GRK6: variants seen among roughly 807,000 people sequenced by gnomAD.
GRK6 encodes G protein-coupled receptor kinase 6.
In GRK6, 37 loss-of-function variants were observed where a neutral mutation model predicts 80.8. The ratio of observed to expected loss-of-function variants is 0.46; its 90% CI spans 0.35 to 0.60. The LOEUF is 0.60. Ranked by LOEUF, GRK6 falls within the 20% of genes least tolerant of loss-of-function variation. The probability of loss-of-function intolerance (pLI) is 0.00; values close to 1 mark genes in which losing one functional copy is unlikely to be tolerated. For synonymous variants in GRK6, 295 were observed against 320.9 expected (o/e 0.92, Z 0.86); for missense variants, 560 against 784.6 (o/e 0.71, Z 3.42).
intron 4 of GRK6, 140 bp downstream of exon 4, chr5:177,432,450 G>A (rs1763947174): frequency 4.3e-6 from 4 of 930,216 alleles, no homozygotes; most frequent in African/African-American, 3.2e-5. Flanking sequence ...AGAGTGCCCT[G>A]GAGCTGCTCC....
Position 177,442,844 on chromosome 5 carries a change from A to G in GRK6, c.*1054A>G, listed in dbSNP as rs1217658473. The stretch of plus-strand genomic sequence containing the variant: ...CAATTTTTATTACTCGTTTTGTCCA[A>G]CGTAAGCTGCCACATGTCTCTGTGT... On this transcript the variant is annotated 3_prime_UTR_variant, in exon 16 of 16. Coordinates refer to ENST00000355472, the MANE Select transcript of GRK6 (RefSeq NM_001004106.3). The G allele has an allele frequency of 1.3e-5, 2 of 152,176 alleles. No homozygotes were observed. Among genetic ancestry groups the G allele is most frequent in the African/African-American group, 4.8e-5 (2 of 41,384 alleles). 9.4% of individuals were successfully genotyped at this position (152,176 alleles called of 1,614,324 possible).
At chr5:177,435,444 G>A (rs1374998331) in intron 11 of GRK6, among the ~76,000 whole-genome samples, 1 of 152,240 alleles carries the variant, frequency 6.6e-6, no homozygotes, top group Non-Finnish European at 1.5e-5. Flanking sequence ...CATCTGTGAG[G>A]GAGGCCAGTG....
At position 177,436,542 on chromosome 5, in the gene GRK6, C is replaced by G. The variant is rs769539053; in HGVS notation, c.1404+12C>G. 4 of 1,567,960 alleles carry G rather than the reference C, an allele frequency of 2.6e-6. No homozygotes were observed. The highest frequency in any genetic ancestry group is 3.5e-6 in the Non-Finnish European group (4 of 1,155,546). On this transcript the variant is annotated intron_variant, in intron 13 of 15. Coordinates refer to ENST00000355472, the MANE Select transcript of GRK6 (RefSeq NM_001004106.3). ...CGTTCAAGCCTGACGTGAGTGCAGC[C>G]CACTCCTGCTGAGGGCGGGGCCCAG... is the stretch of plus-strand genomic sequence containing the variant.
chr5:177,432,608 C>G, intron 4 of GRK6, 98 bp from the exon 5 acceptor site: 1 of 870,050 alleles, frequency 1.1e-6, no homozygotes, highest in Non-Finnish European at 1.8e-6. Flanking sequence ...CCTGCAGCCT[C>G]TCATGGCACC....
Position 177,441,810 on chromosome 5 carries a change from A to G in GRK6, c.*20A>G, listed in dbSNP as rs1203066533. 3 of 1,606,292 alleles carry G rather than the reference A, an allele frequency of 1.9e-6. No homozygotes were observed. The African/African-American group carries it at 4.0e-5, about 21-fold the overall frequency. On this transcript the variant is annotated 3_prime_UTR_variant, in exon 16 of 16. Coordinates refer to ENST00000355472, the MANE Select transcript of GRK6 (RefSeq NM_001004106.3). ...CTCTAGCCCCCAGCCCGAGGCCCCC[A>G]CCAGCAGTTGGCGGTAGCAGCTACT...
In GRK6 at chr5:177,426,906, G is replaced by T; in HGVS notation, c.52+9G>T. 7.2e-7 allele frequency: 1 copy of T among 1,382,396 alleles called. No homozygotes were observed. Among genetic ancestry groups the T allele is most frequent in the Non-Finnish European group, 9.4e-7 (1 of 1,061,400 alleles). 85.6% of individuals were successfully genotyped at this position (1,382,396 alleles called of 1,614,324 possible). A position where few individuals can be genotyped will look rare whatever the true frequency, so the allele number is the denominator to read the frequency against. ...ACTCAAGGCCCGGGAAGGTGAGGCG[G>T]CCGGGTGGGCGGCCGGGCCCGGGTG... On this transcript the variant is annotated intron_variant, in intron 1 of 15. Coordinates refer to ENST00000355472, the MANE Select transcript of GRK6 (RefSeq NM_001004106.3).
intron 7 of GRK6, 29 bp from the exon 8 acceptor site, chr5:177,433,507 C>A (rs200086049): frequency 6.2e-7 from 1 of 1,613,206 alleles, no homozygotes; most frequent in African/African-American, 1.3e-5. Context: ...ACAGCTGGCC[C>A]CCATTCGCCC....
chr5:177,431,031 C>G, intron 2 of GRK6, 64 bp downstream of exon 2: 1 of 1,397,006 alleles, frequency 7.2e-7, no homozygotes, highest in East Asian at 2.4e-5. Context: ...GGGGGAGCCT[C>G]CCCTGAGACC....
rs749095011 is a variant in GRK6, at chr5:177,428,190, C to G, written c.52+1293C>G. Among the ~76,000 whole-genome samples the G allele has an allele frequency of 9.9e-5, 15 of 152,244 alleles. No homozygotes were observed. The highest frequency in any genetic ancestry group is 1.8e-4 in the Non-Finnish European group (12 of 68,030). On this transcript the variant is annotated intron_variant, in intron 1 of 15. Transcript: ENST00000355472. This position sits in a 1 kb window ranked among gnomAD's most constrained non-coding sequence, Gnocchi z 4.1. Reference sequence around the variant, plus strand: ...TCTGGGGGCATCTGCCGATTCTGTTCTGCCTCGTCATCCAACCAGCCAGGG... The same window carrying G: ...TCTGGGGGCATCTGCCGATTCTGTTGTGCCTCGTCATCCAACCAGCCAGGG...
In GRK6 at chr5:177,433,689, G is replaced by A; in HGVS notation, c.738+13G>A. 1.9e-6 allele frequency: 3 copies of A among 1,613,794 alleles called. No homozygotes were observed. The highest frequency in any genetic ancestry group is 2.5e-6 in the Non-Finnish European group (3 of 1,179,826). On this transcript the variant is annotated intron_variant, in intron 8 of 15. Transcript: ENST00000355472. Reference sequence around the variant, plus strand: ...CAGTAGGTTTGTAGTAAGTACAGAAGGAGACTCTCCCTTCCCCTTGGCCAC... The same window carrying A: ...CAGTAGGTTTGTAGTAAGTACAGAAAGAGACTCTCCCTTCCCCTTGGCCAC...
intron 15 of GRK6, chr5:177,441,416 C>T (rs1326310320): frequency 3.7e-6 from 3 of 810,500 alleles, no homozygotes; most frequent in South Asian, 3.5e-5. Context: ...GAGCTGCCAG[C>T]TTTGCTTCGC....
chr5:177,430,765 C>A, intron 1 of GRK6, 107 bp from the exon 2 acceptor site: 2 of 908,844 alleles, frequency 2.2e-6, no homozygotes, highest in East Asian at 2.6e-5. Flanking sequence ...GCTGTTCTGC[C>A]TCAGCTCTGC....
chr5:177,431,746 AG>A lies in GRK6; in HGVS notation c.149-247del, dbSNP rs1421405395. ...GGAGACAATGCAGGGAGGTGGATGG[AG>A]GCCTGGGCTCTGGAGCCAGACTCCC... is the stretch of plus-strand genomic sequence containing the variant. On this transcript the variant is annotated intron_variant, in intron 2 of 15. Coordinates refer to ENST00000355472, the MANE Select transcript of GRK6 (RefSeq NM_001004106.3). 1.6e-5 allele frequency: 9 copies of A among 561,072 alleles called. No homozygotes were observed. In the East Asian group the frequency reaches 2.8e-4, roughly 17 times the overall value. 34.8% of individuals were successfully genotyped at this position (561,072 alleles called of 1,614,324 possible). A position where few individuals can be genotyped will look rare whatever the true frequency, so the allele number is the denominator to read the frequency against.
At position 177,440,753 on chromosome 5, in the gene GRK6, C is replaced by T. The variant is rs1764442306; in HGVS notation, c.1458C>T (p.Val486=). The change falls in exon 14 of 16, where the codon GTC becomes GTT. Residue 486 remains valine, a synonymous_variant. Transcript: ENST00000355472. ...TGGACATTGAACAGTTCTCTACGGT[C>T]AAGGGCGTGGAGCTGGAGCCTACCG... The part of the protein sequence containing the change: ...DVLDIEQFST[V]KGVELEPTDQ... The T allele has an allele frequency of 6.2e-7, 1 of 1,614,210 alleles. No individual in the cohort carries two copies.
chr5:177,436,927 CCTT>C (rs1413991412), intron 13 of GRK6, among the ~76,000 whole-genome samples: 1 of 151,792 alleles, frequency 6.6e-6, no homozygotes, highest in Non-Finnish European at 1.5e-5. Flanking sequence ...TTCTTTTTTC[CCTT>C]CTTTTTTCCT....
rs1764539800 is a variant in GRK6, at chr5:177,442,118, G to A, written c.*328G>A. On this transcript the variant is annotated 3_prime_UTR_variant, in exon 16 of 16. Transcript: ENST00000355472. ...ACCTGGCGCCCCCGCCTTGGCTCCTGGGGGCAGCCAGCCCTGGCTGGGAGA... is the reference window on the plus strand; with the variant it reads ...ACCTGGCGCCCCCGCCTTGGCTCCTAGGGGCAGCCAGCCCTGGCTGGGAGA... 1.1e-5 allele frequency: 4 copies of A among 350,540 alleles called. No homozygotes were observed. The highest frequency in any genetic ancestry group is 1.6e-5 in the Non-Finnish European group (3 of 192,300). 21.7% of individuals were successfully genotyped at this position (350,540 alleles called of 1,614,324 possible). A position where few individuals can be genotyped will look rare whatever the true frequency, so the allele number is the denominator to read the frequency against.
chr5:177,431,947 C>A, intron 2 of GRK6, 48 bp from the exon 3 acceptor site: 1 of 1,537,232 alleles, frequency 6.5e-7, no homozygotes, highest in Non-Finnish European at 9.0e-7. Flanking sequence ...ATGCCCCACC[C>A]ATGTGCTCTC....
Position 177,428,077 on chromosome 5 carries a change from G to T in GRK6, c.52+1180G>T, listed in dbSNP as rs1763740857. Among the ~76,000 whole-genome samples the T allele has an allele frequency of 6.6e-6, 1 of 152,206 alleles. No individual in the cohort carries two copies. Among genetic ancestry groups the T allele is most frequent in the Non-Finnish European group, 1.5e-5 (1 of 68,030 alleles). On this transcript the variant is annotated intron_variant, in intron 1 of 15. Coordinates refer to ENST00000355472, the MANE Select transcript of GRK6 (RefSeq NM_001004106.3). The surrounding 1 kb of genome is among the most constrained non-coding windows in gnomAD (Gnocchi z 4.1). ...TCTGGCGAGGTGCAGCCCAGAAATG[G>T]CATGGCAGGCTGGGTCCTCATTGCC...
chr5:177,426,996 C>A, intron 1 of GRK6, 99 bp downstream of exon 1: 1 of 739,874 alleles, frequency 1.4e-6, no homozygotes, highest in Non-Finnish European at 1.8e-6. Context: ...TCCCCTAGGC[C>A]CGCGGGCCCT....
Sources: allele counts gnomAD v4.1 joint callset (sites outside exome capture counted in the v4.1 genomes callset), GRCh38; gene constraint gnomAD v4.1.1; non-coding constraint Gnocchi (gnomAD v3.1); transcripts MANE v1.5; gene names NCBI Gene and HGNC (gene_info 2026-07-23, HGNC 2026-07-21).